Variants in RHBDL3 observed in about 807,000 individuals in gnomAD.
RHBDL3 encodes rhomboid like 3, also known as rhomboid-related protein 3.
In RHBDL3, 28 loss-of-function variants were observed where a neutral mutation model predicts 48.2. That is an observed-to-expected ratio of 0.58 (90% CI 0.43 to 0.80). RHBDL3 has a LOEUF of 0.80. Among genes scored for constraint, RHBDL3 ranks in the 30% least tolerant of loss-of-function variants. The pLI is 0.00. For missense variants in RHBDL3, 464 were observed against 542.7 expected, an observed-to-expected ratio of 0.85 and a Z score of 1.44; for synonymous variants, 208 against 232.3, an observed-to-expected ratio of 0.90 and a Z score of 0.95.
intron 2 of RHBDL3, among the ~76,000 whole-genome samples, chr17:32,282,258 A>G (rs184022567): frequency 6.6e-6 from 1 of 152,192 alleles, no homozygotes; most frequent in Admixed American, 6.5e-5. Flanking sequence ...AAGGTGGGAG[A>G]TATACAGATT....
intron 3 of RHBDL3, among the ~76,000 whole-genome samples, chr17:32,285,068 G>A (rs969022833): frequency 6.6e-6 from 1 of 152,080 alleles, no homozygotes; most frequent in Non-Finnish European, 1.5e-5. Flanking sequence ...GCAGCAAAGT[G>A]GCTGCAGCTG....
chr17:32,289,080 C>T, intron 4 of RHBDL3, 64 bp downstream of exon 4: 1 of 1,309,710 alleles, frequency 7.6e-7, no homozygotes, highest in Non-Finnish European at 1.1e-6. Context: ...GGGAGAGGAG[C>T]CAAGAGGATG....
chr17:32,315,612 C>T (rs767964583), intron 7 of RHBDL3, among the ~76,000 whole-genome samples: 3 of 151,964 alleles, frequency 2.0e-5, no homozygotes, highest in African/African-American at 2.4e-5. Flanking sequence ...GCCTGCAAGA[C>T]GGACCATTCT....
rs1189753154 is a variant in RHBDL3 at position 32,301,433 on chromosome 17, CTTATA to C, written c.781+3235_781+3239del. ...AAAAAAAAAAATCAATATCACCAATCTTATATTATAGATTATATAGATTACTAACC... is the reference window on the plus strand; with the variant it reads ...AAAAAAAAAAATCAATATCACCAATCTTATAGATTATATAGATTACTAACC... On this transcript the variant is annotated intron_variant, in intron 6 of 8. Transcript: ENST00000269051. Among the ~76,000 whole-genome samples, 16 of 149,672 alleles carry C rather than the reference CTTATA, an allele frequency of 1.1e-4. 1 individual carries two copies. The highest frequency in any genetic ancestry group is 7.4e-3 in the Middle Eastern group (2 of 272).
chr17:32,318,510 C>G (rs985458945), intron 8 of RHBDL3, among the ~76,000 whole-genome samples: 3 of 112,234 alleles, frequency 2.7e-5, no homozygotes, highest in African/African-American at 1.1e-4. Context: ...AGGGAGTGAA[C>G]GCATTTTCTC....
intron 7 of RHBDL3, among the ~76,000 whole-genome samples, chr17:32,307,860 C>A (rs952067168): frequency 5.9e-5 from 9 of 152,142 alleles, no homozygotes; most frequent in Admixed American, 6.5e-5. Flanking sequence ...GCCCCAATTC[C>A]TTTCAGTAGG....
intron 8 of RHBDL3, among the ~76,000 whole-genome samples, chr17:32,317,593 G>A (rs1025690048): frequency 6.6e-6 from 1 of 152,196 alleles, no homozygotes; most frequent in Non-Finnish European, 1.5e-5. Flanking sequence ...AAGGGTCATG[G>A]CCAGCGAGTT....
Position 32,323,463 on chromosome 17 carries a change from G to C in RHBDL3, c.*2234G>C, listed in dbSNP as rs1022864184. 1 of 152,446 alleles carries C rather than the reference G, an allele frequency of 6.6e-6. No homozygotes were observed. Among genetic ancestry groups the C allele is most frequent in the Non-Finnish European group, 1.5e-5 (1 of 68,268 alleles). The allele number at this position is 152,446 out of a possible 1,614,324, so 9.4% of individuals were successfully genotyped here. A position where few individuals can be genotyped will look rare whatever the true frequency, so the allele number is the denominator to read the frequency against. On this transcript the variant is annotated 3_prime_UTR_variant, in exon 9 of 9. Coordinates refer to ENST00000269051, the MANE Select transcript of RHBDL3 (RefSeq NM_138328.3). ...CTGAGCGATGAGGTCCTTTCCTGGA[G>C]GGATGGAGAATCCCCTCCAGATTCC...
chr17:32,319,421 CAAAAAAAAA>C (rs541383037), intron 8 of RHBDL3, among the ~76,000 whole-genome samples: 2 of 79,846 alleles, frequency 2.5e-5, no homozygotes, highest in African/African-American at 1.1e-4. Context: ...GATTCCGTCT[CAAAAAAAAA>C]AAAAAAAAAA....
At chr17:32,267,093 C>G (rs1555580645) in intron 1 of RHBDL3, among the ~76,000 whole-genome samples, 1 of 152,282 alleles carries the variant, frequency 6.6e-6, no homozygotes, top group South Asian at 2.1e-4. Flanking sequence ...GGGCAGACAC[C>G]CTGCCCTGCC....
At chr17:32,300,608 T>C (rs1297859655) in intron 6 of RHBDL3, among the ~76,000 whole-genome samples, 1 of 152,168 alleles carries the variant, frequency 6.6e-6, no homozygotes, top group Admixed American at 6.5e-5. Flanking sequence ...TCTGGCAGCC[T>C]TACTCTCTAA....
rs2040156180 is a variant in RHBDL3, at chr17:32,284,837, T to C, written c.294+20T>C. 6.2e-7 allele frequency: 1 copy of C among 1,608,894 alleles called. No homozygotes were observed. The highest frequency in any genetic ancestry group is 1.3e-5 in the African/African-American group (1 of 74,952). On this transcript the variant is annotated intron_variant, in intron 3 of 8. Transcript: ENST00000269051. Reference sequence around the variant, plus strand: ...AGCCTAGTGAGTGCTCTGGGGCCCTTGGTACTCGGGGGGACCTGTTTGAGG... The same window carrying C: ...AGCCTAGTGAGTGCTCTGGGGCCCTCGGTACTCGGGGGGACCTGTTTGAGG...
At chr17:32,290,366 A>C (rs1046032482) in intron 4 of RHBDL3, among the ~76,000 whole-genome samples, 4 of 152,192 alleles carry the variant, frequency 2.6e-5, no homozygotes, top group Non-Finnish European at 5.9e-5. Flanking sequence ...CAGAGAATTC[A>C]GTTTGCCCAG....
rs201267069 is a variant in RHBDL3 at position 32,307,927 on chromosome 17, G to A, written c.882+2486G>A. On this transcript the variant is annotated intron_variant, in intron 7 of 8. Transcript: ENST00000269051. ...CCGCCCAAGACTTGTATGTGTGTAG[G>A]GGTGGTGAACAAGCTCAACTGAAAG... 7.2e-5 allele frequency among the ~76,000 whole-genome samples: 11 copies of A among 152,182 alleles called. No homozygotes were observed. The East Asian group carries it at 2.1e-3, about 29-fold the overall frequency.
At chr17:32,319,031 G>A (rs2041042288) in intron 8 of RHBDL3, among the ~76,000 whole-genome samples, 1 of 152,006 alleles carries the variant, frequency 6.6e-6, no homozygotes, top group African/African-American at 2.4e-5. Context: ...GTGCAGTGGG[G>A]TGGCAGTGGG....
chr17:32,267,187 G>C (rs1387298515), intron 1 of RHBDL3, among the ~76,000 whole-genome samples: 3 of 152,100 alleles, frequency 2.0e-5, no homozygotes, highest in Non-Finnish European at 4.4e-5. Context: ...GAATGGGGTT[G>C]GGGGGTAGTT....
intron 6 of RHBDL3, among the ~76,000 whole-genome samples, chr17:32,303,349 G>A (rs769409525): frequency 1.3e-5 from 2 of 152,200 alleles, no homozygotes; most frequent in Non-Finnish European, 2.9e-5. Flanking sequence ...AGCAGCTTGG[G>A]CAGCCAGCCC....
chr17:32,286,479 T>C (rs2040201566), intron 3 of RHBDL3, among the ~76,000 whole-genome samples: 1 of 152,198 alleles, frequency 6.6e-6, no homozygotes, highest in African/African-American at 2.4e-5. Flanking sequence ...GGTCTGGCTC[T>C]GCCTCTGCCA....
At chr17:32,289,887 C>A (rs553093897) in intron 4 of RHBDL3, among the ~76,000 whole-genome samples, 2 of 152,206 alleles carry the variant, frequency 1.3e-5, no homozygotes, top group Non-Finnish European at 2.9e-5. Flanking sequence ...TCAAAAGCTT[C>A]GCGGCATCCT....
Sources: gnomAD v4.1 joint callset for allele counts (sites outside exome capture counted in the v4.1 genomes callset) on GRCh38, gnomAD v4.1.1 for gene constraint, MANE v1.5 for transcripts, NCBI Gene and HGNC (gene_info 2026-07-23, HGNC 2026-07-21) for gene names.